The following PHF24 variants were observed in gnomAD, a reference collection of about 807,000 sequenced individuals.
The protein encoded by PHF24 is Galpha inhibitory interacting protein.
Under a neutral mutation model 42.6 loss-of-function variants are expected in PHF24, and 25 were observed. That is an observed-to-expected ratio of 0.59 (90% CI 0.43 to 0.82). The LOEUF (loss-of-function observed/expected upper bound fraction) is 0.82, where lower values mean the gene tolerates loss of function less well. Ranked by LOEUF, PHF24 falls within the 40% of genes least tolerant of loss-of-function variation. The probability of loss-of-function intolerance (pLI) is 0.00; values close to 1 mark genes in which losing one functional copy is unlikely to be tolerated. For synonymous variants in PHF24, 185 were observed against 204.8 expected, an observed-to-expected ratio of 0.90 and a Z score of 0.83; for missense variants, 470 against 538.1, an observed-to-expected ratio of 0.87 and a Z score of 1.25.
the PHF24 span, chr9:34,837,092 T>C: frequency 2.1e-6 from 1 of 471,278 alleles, no homozygotes; most frequent in African/African-American, 2.0e-5. Flanking sequence ...ACAGCTCTTG[T>C]GGCTTCTGAT....
chr9:34,724,433 T>A, the PHF24 span: 1 of 1,551,242 alleles, frequency 6.4e-7, no homozygotes. Context: ...TGTCTCCCCT[T>A]GGTGGTTTAG....
chr9:34,754,395 T>C, the PHF24 span, among the ~76,000 whole-genome samples: 118,754 of 152,080 alleles, frequency 0.78, 47,022 homozygotes, highest in East Asian at 0.95. Context: ...AAAGAAGACA[T>C]ACCAATGGCA....
At chr9:34,964,527 A>T (rs940493036) in intron 1 of PHF24, among the ~76,000 whole-genome samples, 1 of 152,176 alleles carries the variant, frequency 6.6e-6, no homozygotes, top group African/African-American at 2.4e-5. Context: ...AGTGCTGGGA[A>T]ATAGAGGCTC....
At chr9:34,905,773 T>C in the PHF24 span, among the ~76,000 whole-genome samples, 1 of 152,208 alleles carries the variant, frequency 6.6e-6, no homozygotes, top group Non-Finnish European at 1.5e-5. Context: ...ACAGAAGGAT[T>C]CCTGAAATAT....
At chr9:34,756,431 T>C in the PHF24 span, among the ~76,000 whole-genome samples, 1 of 152,210 alleles carries the variant, frequency 6.6e-6, no homozygotes, top group African/African-American at 2.4e-5. Context: ...TTCATTCTTC[T>C]GCATATGGAT....
In PHF24 at chr9:34,958,981, C is replaced by T. The variant is rs371171657; in HGVS notation, c.-5+580C>T. Among the ~76,000 whole-genome samples, 127 of 152,332 alleles carry T rather than the reference C, an allele frequency of 8.3e-4. No individual in the cohort carries two copies. In the South Asian group the frequency reaches 0.017, roughly 20 times the overall value. ...TTCCATGTGCCCTTACTTGTATCCCCACACCGTGGCCCAGAGGTGGGGGCC... is the reference window on the plus strand; with the variant it reads ...TTCCATGTGCCCTTACTTGTATCCCTACACCGTGGCCCAGAGGTGGGGGCC... On this transcript the variant is annotated intron_variant, in intron 1 of 7. Coordinates refer to ENST00000242315, the Ensembl canonical transcript of PHF24. This position sits in a 1 kb window ranked among gnomAD's most constrained non-coding sequence, Gnocchi z 4.5.
the PHF24 span, among the ~76,000 whole-genome samples, chr9:34,815,721 A>G: frequency 6.6e-6 from 1 of 152,242 alleles, no homozygotes; most frequent in African/African-American, 2.4e-5. Flanking sequence ...TTTGTTTTAA[A>G]TATGCATAGC....
chr9:34,717,919 T>C, the PHF24 span, among the ~76,000 whole-genome samples: 1 of 152,232 alleles, frequency 6.6e-6, no homozygotes, highest in Non-Finnish European at 1.5e-5. Context: ...AACTAGTTTC[T>C]GAGTGGCACG....
chr9:34,781,432 T>C, the PHF24 span, among the ~76,000 whole-genome samples: 1 of 152,120 alleles, frequency 6.6e-6, no homozygotes, highest in South Asian at 2.1e-4. Context: ...ATAGATAACC[T>C]AATGGTTTGG....
At chr9:34,825,633 A>G in the PHF24 span, among the ~76,000 whole-genome samples, 1 of 136,638 alleles carries the variant, frequency 7.3e-6, no homozygotes, top group Non-Finnish European at 1.5e-5. Context: ...ACACCCAAGG[A>G]CTCATGAACA....
chr9:34,808,878 G>A, the PHF24 span, among the ~76,000 whole-genome samples: 1 of 126,032 alleles, frequency 7.9e-6, no homozygotes, highest in Non-Finnish European at 1.6e-5. Context: ...AACACTCTGG[G>A]GACTGTTGTG....
At chr9:34,700,296 C>T in the PHF24 span, among the ~76,000 whole-genome samples, 1 of 152,108 alleles carries the variant, frequency 6.6e-6, no homozygotes, top group African/African-American at 2.4e-5. Context: ...GAGAGTAGAT[C>T]AAACTGGTGC....
chr9:34,688,752 G>C, the PHF24 span, among the ~76,000 whole-genome samples: 1 of 152,220 alleles, frequency 6.6e-6, no homozygotes, highest in Admixed American at 6.5e-5. Flanking sequence ...AGAATGAACA[G>C]ATGGACCCTC....
At chr9:34,761,138 G>GA in the PHF24 span, among the ~76,000 whole-genome samples, 3 of 152,106 alleles carry the variant, frequency 2.0e-5, no homozygotes, top group Non-Finnish European at 1.5e-5. Context: ...AAAAAGTAGG[G>GA]AAAAAATGCC....
chr9:34,866,141 T>G, the PHF24 span, among the ~76,000 whole-genome samples: 1 of 152,236 alleles, frequency 6.6e-6, no homozygotes, highest in Non-Finnish European at 1.5e-5. Context: ...TTTTAATTCC[T>G]GAAATCCAAA....
the PHF24 span, among the ~76,000 whole-genome samples, chr9:34,668,315 C>G: frequency 3.9e-5 from 6 of 152,182 alleles, no homozygotes; most frequent in Non-Finnish European, 7.3e-5. Flanking sequence ...CAGCCAGAGG[C>G]TCCAGGACCC....
At chr9:34,773,219 A>G in the PHF24 span, among the ~76,000 whole-genome samples, 1 of 152,044 alleles carries the variant, frequency 6.6e-6, no homozygotes, top group Admixed American at 6.5e-5. Flanking sequence ...CGAACTCCCA[A>G]CCTCAGGTGA....
At chr9:34,875,940 A>ACTCTCTCTCTCTCTCTCTCTCTCTCT in the PHF24 span, among the ~76,000 whole-genome samples, 1 of 89,224 alleles carries the variant, frequency 1.1e-5, no homozygotes, top group Admixed American at 1.2e-4. Flanking sequence ...ACACACACAC[A>ACTCTCTCTCTCTCTCTCTCTCTCTCT]CACACACACA....
chr9:34,967,702 G>T (rs1282394102), intron 1 of PHF24, among the ~76,000 whole-genome samples: 1 of 152,172 alleles, frequency 6.6e-6, no homozygotes, highest in Non-Finnish European at 1.5e-5. Flanking sequence ...AGCATCTGGG[G>T]ACTACAGGGC....
Sources: allele counts gnomAD v4.1 joint callset (sites outside exome capture counted in the v4.1 genomes callset), GRCh38; gene constraint gnomAD v4.1.1; non-coding constraint Gnocchi (gnomAD v3.1); transcripts MANE v1.5; gene names NCBI Gene and HGNC (gene_info 2026-07-23, HGNC 2026-07-21).